The following TRAPPC12 variants were observed in gnomAD, a reference collection of about 807,000 sequenced individuals.
TRAPPC12 encodes trafficking protein particle complex subunit 12.
TRAPPC12 carries 61 observed loss-of-function variants against 69.2 expected under a neutral mutation model. The ratio of observed to expected loss-of-function variants is 0.88; its 90% CI spans 0.72 to 1.09. The LOEUF (loss-of-function observed/expected upper bound fraction) is 1.09. TRAPPC12 is among the 50% of genes least tolerant of loss of function. The probability of loss-of-function intolerance (pLI) is 0.00; values close to 1 mark genes in which losing one functional copy is unlikely to be tolerated. For missense variants in TRAPPC12, 1,101 were observed against 1,016.4 expected (o/e 1.08, Z -1.13); for synonymous variants, 469 against 438.9 (o/e 1.07, Z -0.86).
At chr2:3,466,228 C>T (rs1367805905) in intron 9 of TRAPPC12, 5 of 470,150 alleles carry the variant, frequency 1.1e-5, no homozygotes, top group African/African-American at 1.0e-4. Flanking sequence ...GTCCCGCCCA[C>T]ATCCCTGTCA....
intron 2 of TRAPPC12, among the ~76,000 whole-genome samples, chr2:3,392,381 A>G (rs1660875694): frequency 6.6e-6 from 1 of 152,068 alleles, no homozygotes; most frequent in Non-Finnish European, 1.5e-5. Flanking sequence ...AGACCTGCAA[A>G]TGGATAATTT....
At chr2:3,406,751 C>T (rs568089756) in intron 3 of TRAPPC12, among the ~76,000 whole-genome samples, 1 of 152,202 alleles carries the variant, frequency 6.6e-6, no homozygotes, top group Non-Finnish European at 1.5e-5. Context: ...AGGAACTGAA[C>T]TGGCAGCATG....
Position 3,465,672 on chromosome 2 carries a change from G to A in TRAPPC12, c.1753G>A (p.Gly585Ser), listed in dbSNP as rs780411941. The A allele has an allele frequency of 2.7e-5, 43 of 1,614,050 alleles. No homozygotes were observed. The highest frequency in any genetic ancestry group is 1.6e-4 in the Middle Eastern group (1 of 6,084). ...YPEQEPQLLS[G>S]IGRISLQIGD... ...AGAGCAAGAGCCCCAGCTGCTCAGC[G>A]GCATCGGCCGGATTTCCCTGCAGGT... is the stretch of plus-strand genomic sequence containing the variant. The change falls in exon 9 of 12, where the codon GGC becomes AGC. Residue 585 changes from glycine to serine, a missense_variant. Physicochemically the swap from Gly to Ser is moderately conservative, Grantham distance 56. Coordinates refer to ENST00000324266, the MANE Select transcript of TRAPPC12 (RefSeq NM_016030.6).
chr2:3,396,957 A>G (rs949882906), intron 2 of TRAPPC12, among the ~76,000 whole-genome samples: 1 of 152,160 alleles, frequency 6.6e-6, no homozygotes, highest in Non-Finnish European at 1.5e-5. Flanking sequence ...GTGTGAGGCC[A>G]GTCTGGGCAA....
At chr2:3,449,709 A>T (rs1664749433) in intron 6 of TRAPPC12, among the ~76,000 whole-genome samples, 1 of 152,182 alleles carries the variant, frequency 6.6e-6, no homozygotes, top group Admixed American at 6.5e-5. Flanking sequence ...GGCCTCTAAC[A>T]CTGTCAGGGC....
chr2:3,459,170 A>T (rs1295594751), intron 7 of TRAPPC12, among the ~76,000 whole-genome samples: 1 of 152,214 alleles, frequency 6.6e-6, no homozygotes, highest in African/African-American at 2.4e-5. Flanking sequence ...GCAGCCAGGG[A>T]CACACGGCTC....
chr2:3,406,659 G>A (rs192753544), intron 3 of TRAPPC12, among the ~76,000 whole-genome samples: 31 of 152,172 alleles, frequency 2.0e-4, no homozygotes, highest in Non-Finnish European at 4.3e-4. Flanking sequence ...CATTTCCCTG[G>A]CCCATGCTCT....
chr2:3,465,234 C>G (rs1164428152), intron 8 of TRAPPC12, among the ~76,000 whole-genome samples: 1 of 152,240 alleles, frequency 6.6e-6, no homozygotes, highest in African/African-American at 2.4e-5. Context: ...TTCGCCAACT[C>G]ACATGATAAC....
chr2:3,474,200 A>G (rs1423468919), intron 9 of TRAPPC12, among the ~76,000 whole-genome samples: 1 of 152,238 alleles, frequency 6.6e-6, no homozygotes, highest in Non-Finnish European at 1.5e-5. Context: ...GACTCATAGA[A>G]TAGATGAATC....
chr2:3,457,277 G>A (rs566476171), intron 6 of TRAPPC12: 5 of 414,626 alleles, frequency 1.2e-5, no homozygotes, highest in Admixed American at 1.1e-4. Flanking sequence ...AAATAGACCA[G>A]AGACTACCAG....
At chr2:3,459,978 C>T (rs1282531246) in intron 7 of TRAPPC12, 7 of 521,268 alleles carry the variant, frequency 1.3e-5, no homozygotes, top group Admixed American at 6.8e-5. Flanking sequence ...ACGGGGCCCC[C>T]GGTCGGACCA....
chr2:3,450,159 A>T (rs1664776265), intron 6 of TRAPPC12, among the ~76,000 whole-genome samples: 1 of 152,110 alleles, frequency 6.6e-6, no homozygotes, highest in African/African-American at 2.4e-5. Context: ...AGCCGTGGCA[A>T]CCCGATTCAA....
At chr2:3,396,397 T>A (rs1558347097) in intron 2 of TRAPPC12, among the ~76,000 whole-genome samples, 1 of 152,206 alleles carries the variant, frequency 6.6e-6, no homozygotes, top group Non-Finnish European at 1.5e-5. Context: ...ATCCCTGGTT[T>A]TTCAGCAGTT....
rs1422351011 is a variant in TRAPPC12 at position 3,457,965 on chromosome 2, GCTGAGTGGT to G, written c.1603+281_1603+289del. ...AAGCACACGGCCCGGAACCTGCCAC[GCTGAGTGGT>G]CTGAGTGGGCGCGAGGAAGGAGCCC... On this transcript the variant is annotated intron_variant, in intron 7 of 11. Transcript: ENST00000324266. The G allele has an allele frequency of 1.9e-5, 25 of 1,336,370 alleles. No individual in the cohort carries two copies. In the African/African-American group the frequency reaches 3.6e-4, roughly 19 times the overall value. 82.8% of individuals were successfully genotyped at this position (1,336,370 alleles called of 1,614,324 possible). A position where few individuals can be genotyped will look rare whatever the true frequency, so the allele number is the denominator to read the frequency against.
chr2:3,389,503 G>A (rs914772373), intron 2 of TRAPPC12, among the ~76,000 whole-genome samples: 1 of 152,240 alleles, frequency 6.6e-6, no homozygotes, highest in Non-Finnish European at 1.5e-5. Flanking sequence ...ACACCGTGGC[G>A]CCCGAAGAGC....
At chr2:3,421,499 T>C (rs1455876618) in intron 3 of TRAPPC12, among the ~76,000 whole-genome samples, 1 of 152,274 alleles carries the variant, frequency 6.6e-6, no homozygotes, top group Non-Finnish European at 1.5e-5. Context: ...AATTTCCTTA[T>C]TGATTTTAAA....
At chr2:3,388,933 T>G in intron 2 of TRAPPC12, 1 of 405,442 alleles carries the variant, frequency 2.5e-6, no homozygotes, top group Non-Finnish European at 4.3e-6. Flanking sequence ...ATTCTCTCAG[T>G]CAGTTCTCCA....
At chr2:3,432,237 G>T (rs1663480015) in intron 5 of TRAPPC12, among the ~76,000 whole-genome samples, 1 of 152,204 alleles carries the variant, frequency 6.6e-6, no homozygotes, top group South Asian at 2.1e-4. Flanking sequence ...CACAGGAAAT[G>T]GTACTTCAGA....
intron 5 of TRAPPC12, among the ~76,000 whole-genome samples, chr2:3,443,071 C>T (rs1016170980): frequency 1.3e-5 from 2 of 152,188 alleles, no homozygotes; most frequent in Non-Finnish European, 2.9e-5. Context: ...TTGACCTTAC[C>T]CTGAGAGATG....
Sources: allele counts gnomAD v4.1 joint callset (sites outside exome capture counted in the v4.1 genomes callset), GRCh38; gene constraint gnomAD v4.1.1; transcripts MANE v1.5; gene names NCBI Gene and HGNC (gene_info 2026-07-23, HGNC 2026-07-21).